The following SLC10A7 variants were observed in gnomAD, a reference collection of about 807,000 sequenced individuals.
SLC10A7 encodes the protein solute carrier family 10 member 7, also known as sodium/bile acid cotransporter 7.
In SLC10A7, 29 loss-of-function variants were observed where a neutral mutation model predicts 43.2. The ratio of observed to expected loss-of-function variants is 0.67; its 90% CI spans 0.50 to 0.92. The LOEUF (loss-of-function observed/expected upper bound fraction) is 0.92, where lower values mean the gene tolerates loss of function less well. SLC10A7 is among the 40% of genes least tolerant of loss of function. The pLI, the probability that SLC10A7 is intolerant of heterozygous loss-of-function variation, is 0.00. For synonymous variants in SLC10A7, 152 were observed against 144.8 expected (o/e 1.05, Z -0.35); for missense variants, 295 against 403.2 (o/e 0.73, Z 2.30).
intron 5 of SLC10A7, among the ~76,000 whole-genome samples, chr4:146,380,749 T>A (rs1356187153): frequency 6.6e-6 from 1 of 152,126 alleles, no homozygotes; most frequent in Non-Finnish European, 1.5e-5. Flanking sequence ...CACATTATAT[T>A]ATTGTAGGAA....
intron 6 of SLC10A7, among the ~76,000 whole-genome samples, chr4:146,323,133 T>C (rs546813093): frequency 3.3e-5 from 5 of 152,290 alleles, no homozygotes; most frequent in Admixed American, 2.0e-4. Context: ...GTCAGATGAG[T>C]AGATTGCAAA....
intron 9 of SLC10A7, among the ~76,000 whole-genome samples, chr4:146,288,235 G>C (rs535976945): frequency 6.6e-6 from 1 of 152,178 alleles, no homozygotes; most frequent in Non-Finnish European, 1.5e-5. Context: ...AGCTATGTAG[G>C]ACTGGAGCGC....
At chr4:146,394,830 T>A (rs1738698548) in intron 5 of SLC10A7, among the ~76,000 whole-genome samples, 1 of 152,204 alleles carries the variant, frequency 6.6e-6, no homozygotes, top group African/African-American at 2.4e-5. Flanking sequence ...ACCCATGGGA[T>A]CACATTTCTC....
chr4:146,465,664 T>C (rs1214541834), intron 4 of SLC10A7, among the ~76,000 whole-genome samples: 2 of 152,248 alleles, frequency 1.3e-5, no homozygotes, highest in East Asian at 3.9e-4. Context: ...TCCTATTACA[T>C]CAAATTATTC....
Position 146,521,633 on chromosome 4 carries a change from T to A in SLC10A7, c.85A>T (p.Ile29Leu). The A allele has an allele frequency of 1.2e-6, 2 of 1,614,102 alleles. No homozygotes were observed. The highest frequency in any genetic ancestry group is 1.7e-6 in the Non-Finnish European group (2 of 1,179,956). ...AIAGAKLEPS[I>L]GVNGGPLKPE... ...CAGCACTTACCCCCATTCACCCCTATGGACGGCTCCAGTTTAGCTCCAGCG... is the reference window on the plus strand; with the variant it reads ...CAGCACTTACCCCCATTCACCCCTAAGGACGGCTCCAGTTTAGCTCCAGCG... Residue 29 changes from isoleucine to leucine, a missense_variant, in exon 1 of 12, where the codon ATA (isoleucine) becomes TTA (leucine). Around this residue, in one of 2 missense-constraint regions of SLC10A7, gnomAD observed 53 missense variants for 40.7 expected, o/e 1.30. Transcript: ENST00000335472.
At chr4:146,270,925 C>T (rs909753685) in intron 10 of SLC10A7, among the ~76,000 whole-genome samples, 3 of 152,232 alleles carry the variant, frequency 2.0e-5, no homozygotes, top group Non-Finnish European at 1.5e-5. Context: ...AAAGTGTCTT[C>T]ACATCTGCTT....
intron 10 of SLC10A7, among the ~76,000 whole-genome samples, chr4:146,260,996 C>T (rs1728188295): frequency 6.6e-6 from 1 of 152,192 alleles, no homozygotes; most frequent in Non-Finnish European, 1.5e-5. Context: ...TAGCTTTGAT[C>T]CTCAAGAAGC....
At chr4:146,272,175 G>C (rs1289004650) in intron 10 of SLC10A7, among the ~76,000 whole-genome samples, 3 of 152,172 alleles carry the variant, frequency 2.0e-5, no homozygotes, top group Non-Finnish European at 4.4e-5. Flanking sequence ...TGTAGATTAT[G>C]TTTTAAAAGC....
In SLC10A7 at chr4:146,305,825, C is replaced by T. The variant is rs11937099; in HGVS notation, c.555+101G>A. 1,300 of 985,154 alleles carry T rather than the reference C, an allele frequency of 1.3e-3. 16 individuals are homozygous for T. The African/African-American group carries it at 0.02, about 15-fold the overall frequency. The allele number at this position is 985,154 out of a possible 1,614,324, so 61.0% of individuals were successfully genotyped here. A position where few individuals can be genotyped will look rare whatever the true frequency, so the allele number is the denominator to read the frequency against. ...TTTTTAGTCTCATATTTTCATTTAT[C>T]TCCTCCCTCTGAATATCCTTTCTCT... On this transcript the variant is annotated intron_variant, in intron 7 of 11. Transcript: ENST00000335472.
chr4:146,427,132 C>T (rs796526996), intron 5 of SLC10A7, among the ~76,000 whole-genome samples: 4 of 152,004 alleles, frequency 2.6e-5, no homozygotes, highest in African/African-American at 9.6e-5. Context: ...GGATTGTAGA[C>T]CAGCTTGGGT....
chr4:146,265,663 C>T (rs1044690089), intron 10 of SLC10A7, among the ~76,000 whole-genome samples: 8 of 152,152 alleles, frequency 5.3e-5, no homozygotes, highest in African/African-American at 1.9e-4. Flanking sequence ...GTGCTCAATA[C>T]ATAAATAATT....
Position 146,385,760 on chromosome 4 carries a change from G to A in SLC10A7, c.435+57023C>T, listed in dbSNP as rs537987976. 1.2e-3 allele frequency among the ~76,000 whole-genome samples: 179 copies of A among 152,124 alleles called. 1 individual carries two copies. Among genetic ancestry groups the A allele is most frequent in the Middle Eastern group, 3.4e-3 (1 of 294 alleles). On this transcript the variant is annotated intron_variant, in intron 5 of 11. Transcript: ENST00000335472. ...AACTCTTGCCCCCTTCCTCCCTCCCGACTCTAGTAGTCCCCAGTGTCTCTT... is the reference window on the plus strand; with the variant it reads ...AACTCTTGCCCCCTTCCTCCCTCCCAACTCTAGTAGTCCCCAGTGTCTCTT...
chr4:146,332,815 C>A (rs1452514595), intron 5 of SLC10A7, among the ~76,000 whole-genome samples: 1 of 152,132 alleles, frequency 6.6e-6, no homozygotes, highest in Non-Finnish European at 1.5e-5. Flanking sequence ...AGGAAGATAG[C>A]ACACTGACTA....
intron 5 of SLC10A7, among the ~76,000 whole-genome samples, chr4:146,381,843 C>CT (rs1219270233): frequency 1.3e-5 from 2 of 152,046 alleles, no homozygotes; most frequent in African/African-American, 2.4e-5. Context: ...GCATTTATAC[C>CT]TTTTTCTATG....
intron 8 of SLC10A7, 21 bp downstream of exon 8, chr4:146,293,909 C>T (rs763926908): frequency 1.9e-6 from 3 of 1,592,422 alleles, no homozygotes; most frequent in Non-Finnish European, 2.6e-6. Flanking sequence ...GATAGCCAGG[C>T]TATCCCATTT....
rs148156156 is a variant in SLC10A7 at position 146,430,106 on chromosome 4, T to C, written c.435+12677A>G. On this transcript the variant is annotated intron_variant, in intron 5 of 11. Coordinates refer to ENST00000335472, the MANE Select transcript of SLC10A7 (RefSeq NM_001029998.6). ...AGGATTTCTTAGATAGGATACAAAA[T>C]GCCTGAGCCATAAAAGAAAAAAAAA... Among the ~76,000 whole-genome samples the C allele has an allele frequency of 2.4e-3, 361 of 149,190 alleles. 5 individuals carry two copies. Among genetic ancestry groups the C allele is most frequent in the African/African-American group, 8.8e-3 (344 of 38,916 alleles).
At chr4:146,465,523 T>C (rs1242562916) in intron 4 of SLC10A7, among the ~76,000 whole-genome samples, 1 of 152,132 alleles carries the variant, frequency 6.6e-6, no homozygotes, top group East Asian at 1.9e-4. Context: ...AAATATAAAG[T>C]TTTAATATTC....
At chr4:146,423,116 T>C (rs1310115047) in intron 5 of SLC10A7, among the ~76,000 whole-genome samples, 5 of 152,148 alleles carry the variant, frequency 3.3e-5, no homozygotes, top group Non-Finnish European at 7.4e-5. Context: ...ATTAAGCACA[T>C]AGAAAATTTC....
intron 10 of SLC10A7, 32 bp from the exon 11 acceptor site, chr4:146,258,869 C>G: frequency 6.3e-7 from 1 of 1,591,888 alleles, no homozygotes; most frequent in Non-Finnish European, 8.5e-7. Flanking sequence ...AAACCTAAAC[C>G]AAATTCAGTC....
Sources: gnomAD v4.1 joint callset for allele counts (sites outside exome capture counted in the v4.1 genomes callset) on GRCh38, gnomAD v4.1.1 for gene constraint, gnomAD v4.1.1 regional missense constraint, MANE v1.5 for transcripts, NCBI Gene and HGNC (gene_info 2026-07-23, HGNC 2026-07-21) for gene names.